B3GAT2: variants seen among roughly 807,000 people sequenced by gnomAD.
The protein encoded by B3GAT2 is beta-1,3-glucuronyltransferase 2.
In B3GAT2, 26 loss-of-function variants were observed where a neutral mutation model predicts 27.8. That is an observed-to-expected ratio of 0.93 (90% CI 0.68 to 1.30). B3GAT2 has a LOEUF of 1.30. B3GAT2 is among the 50% of genes most tolerant of loss of function. The pLI, the probability that B3GAT2 is intolerant of heterozygous loss-of-function variation, is 0.00. For missense variants in B3GAT2, 458 were observed against 459.0 expected (o/e 1.00, Z 0.02); for synonymous variants, 218 against 195.1 (o/e 1.12, Z -0.98).
At chr6:70,915,636 T>C (rs556104218) in intron 1 of B3GAT2, among the ~76,000 whole-genome samples, 1 of 152,344 alleles carries the variant, frequency 6.6e-6, no homozygotes, top group East Asian at 1.9e-4. Context: ...CTAGCCTGTT[T>C]TCCCAGCACC....
intron 2 of B3GAT2, among the ~76,000 whole-genome samples, chr6:70,866,654 G>T (rs1475144835): frequency 1.3e-5 from 2 of 152,044 alleles, no homozygotes; most frequent in Non-Finnish European, 2.9e-5. Flanking sequence ...AACAGAAAAG[G>T]CAAGACCAAC....
chr6:70,863,147 C>A (rs1414662207), intron 2 of B3GAT2, among the ~76,000 whole-genome samples: 1 of 152,186 alleles, frequency 6.6e-6, no homozygotes, highest in Non-Finnish European at 1.5e-5. Context: ...ACTGTCAAGT[C>A]AGGCACCCTC....
chr6:70,930,151 G>A (rs1773036221), intron 1 of B3GAT2, among the ~76,000 whole-genome samples: 2 of 152,216 alleles, frequency 1.3e-5, no homozygotes, highest in South Asian at 4.1e-4. Context: ...GTAGAAAGAT[G>A]AAACTGGATC....
intron 1 of B3GAT2, among the ~76,000 whole-genome samples, chr6:70,935,192 T>C (rs182544544): frequency 5.9e-5 from 9 of 151,854 alleles, no homozygotes; most frequent in African/African-American, 1.7e-4. Context: ...ACACCAGTAA[T>C]ACCAGTACTT....
At chr6:70,862,905 A>G (rs1351507597) in intron 2 of B3GAT2, among the ~76,000 whole-genome samples, 1 of 152,170 alleles carries the variant, frequency 6.6e-6, no homozygotes, top group East Asian at 1.9e-4. Flanking sequence ...TGAGCCTATG[A>G]GGTTGTGGCT....
chr6:70,885,859 C>T (rs1276587668), intron 2 of B3GAT2, among the ~76,000 whole-genome samples: 3 of 152,206 alleles, frequency 2.0e-5, no homozygotes, highest in Admixed American at 1.3e-4. Context: ...TCAGGCTGCA[C>T]AGCCTGTATG....
intron 1 of B3GAT2, 63 bp from the exon 2 acceptor site, chr6:70,894,335 G>T: frequency 6.8e-7 from 1 of 1,463,206 alleles, no homozygotes; most frequent in Admixed American, 2.2e-5. Flanking sequence ...GGAAATGAAT[G>T]TGATCTATGT....
chr6:70,918,778 G>T, intron 1 of B3GAT2, among the ~76,000 whole-genome samples: 1 of 152,118 alleles, frequency 6.6e-6, no homozygotes, highest in Admixed American at 6.5e-5. Context: ...TTAGTCTGAT[G>T]GGCTTCCCTT....
At chr6:70,943,985 G>A (rs576692683) in intron 1 of B3GAT2, among the ~76,000 whole-genome samples, 2 of 152,276 alleles carry the variant, frequency 1.3e-5, no homozygotes, top group East Asian at 1.9e-4. Context: ...TGATAAAATT[G>A]TAAGGTAATG....
intron 1 of B3GAT2, among the ~76,000 whole-genome samples, chr6:70,897,286 C>A (rs1354091741): frequency 6.6e-6 from 1 of 152,016 alleles, no homozygotes; most frequent in Admixed American, 6.6e-5. Context: ...ATTCTGCACA[C>A]AAATCTTTTA....
chr6:70,956,321 G>A lies in B3GAT2; in HGVS notation c.109C>T (p.Arg37Cys). ...ACCGCGTAGGGAGAGAAGTAGGGGCGCGGGGTGAGCGGGGGCACTGGCCTG... is the reference window on the plus strand; with the variant it reads ...ACCGCGTAGGGAGAGAAGTAGGGGCACGGGGTGAGCGGGGGCACTGGCCTG... ...TRRPVPPLTP[R>C]PYFSPYAVGR... Residue 37 changes from arginine to cysteine, a missense_variant, in exon 1 of 4, where the codon CGC becomes TGC. Physicochemically the swap from Arg to Cys is radical, Grantham distance 180 (BLOSUM62 -3). Coordinates refer to ENST00000230053, the MANE Select transcript of B3GAT2 (RefSeq NM_080742.3). 2 of 1,582,816 alleles carry A rather than the reference G, an allele frequency of 1.3e-6. No homozygotes were observed. The highest frequency in any genetic ancestry group is 1.8e-5 in the Admixed American group (1 of 54,288).
In B3GAT2 at chr6:70,956,799, G is replaced by C; in HGVS notation, c.-370C>G. 9.3e-7 allele frequency: 1 copy of C among 1,080,700 alleles called. No individual in the cohort carries two copies. Among genetic ancestry groups the C allele is most frequent in the Non-Finnish European group, 1.1e-6 (1 of 890,868 alleles). The allele number at this position is 1,080,700 out of a possible 1,614,324, so 66.9% of individuals were successfully genotyped here. ...TCTGAAGAGTGGAAGCCGAGAAGCG[G>C]CACCCGGTGCGCCTCGCCGCTCCAG... On this transcript the variant is annotated 5_prime_UTR_variant, in exon 1 of 4. Coordinates refer to ENST00000230053, the MANE Select transcript of B3GAT2 (RefSeq NM_080742.3).
At position 70,856,988 on chromosome 6, in the gene B3GAT2, T is replaced by A. The variant is rs749904379; in HGVS notation, c.*4675A>T. 1 of 1,613,992 alleles carries A rather than the reference T, an allele frequency of 6.2e-7. No individual in the cohort carries two copies. Among genetic ancestry groups the A allele is most frequent in the East Asian group, 2.2e-5 (1 of 44,864 alleles). ...ACAACTTTCCAAAGACTCCATCTTA[T>A]CTCTGTATGGCACAGGAACCATTCA... On this transcript the variant is annotated 3_prime_UTR_variant, in exon 4 of 4. Coordinates refer to ENST00000230053, the MANE Select transcript of B3GAT2 (RefSeq NM_080742.3).
intron 1 of B3GAT2, among the ~76,000 whole-genome samples, chr6:70,935,528 G>A (rs972821251): frequency 3.9e-5 from 6 of 151,902 alleles, no homozygotes; most frequent in Admixed American, 6.6e-5. Context: ...TTAAATGAAT[G>A]GTGGTGGGTA....
chr6:70,901,982 G>A lies in B3GAT2; in HGVS notation c.592-7710C>T, dbSNP rs9342799. 2.8e-4 allele frequency among the ~76,000 whole-genome samples: 43 copies of A among 152,210 alleles called. No individual in the cohort carries two copies. In the East Asian group the frequency reaches 6.8e-3, roughly 24 times the overall value. On this transcript the variant is annotated intron_variant, in intron 1 of 3. Coordinates refer to ENST00000230053, the MANE Select transcript of B3GAT2 (RefSeq NM_080742.3). ...ACATTAATAAATGAAAATGAACCAC[G>A]TTGAAATTTTAGCCCGTTAGATTTT...
At chr6:70,919,159 T>C (rs984041165) in intron 1 of B3GAT2, among the ~76,000 whole-genome samples, 7 of 152,372 alleles carry the variant, frequency 4.6e-5, no homozygotes, top group African/African-American at 1.7e-4. Flanking sequence ...CTTCAATCAC[T>C]GATATCCTTT....
At chr6:70,876,762 A>G (rs1772020964) in intron 2 of B3GAT2, among the ~76,000 whole-genome samples, 1 of 152,196 alleles carries the variant, frequency 6.6e-6, no homozygotes, top group South Asian at 2.1e-4. Context: ...TGGTAACACA[A>G]TACTGAATGT....
intron 2 of B3GAT2, among the ~76,000 whole-genome samples, chr6:70,884,099 A>C (rs75967284): frequency 6.7e-6 from 1 of 149,042 alleles, no homozygotes. Flanking sequence ...AAGACTCAAA[A>C]AAAAAAAAAA....
chr6:70,926,909 G>T lies in B3GAT2; in HGVS notation c.591+28930C>A, dbSNP rs549414833. Among the ~76,000 whole-genome samples, 162 of 152,212 alleles carry T rather than the reference G, an allele frequency of 1.1e-3. 1 individual carries two copies. Among genetic ancestry groups the T allele is most frequent in the African/African-American group, 2.1e-3 (88 of 41,524 alleles). On this transcript the variant is annotated intron_variant, in intron 1 of 3. Transcript: ENST00000230053. ...CAAGGTTGAAATGAAGGAAAAAATG[G>T]TAAGGGCAGCCAGAGAGAAAGGTCG...
Sources: gnomAD v4.1 joint callset for allele counts (sites outside exome capture counted in the v4.1 genomes callset) on GRCh38, gnomAD v4.1.1 for gene constraint, MANE v1.5 for transcripts, NCBI Gene and HGNC (gene_info 2026-07-23, HGNC 2026-07-21) for gene names.